COL24A1: variants seen among roughly 807,000 people sequenced by gnomAD.
The protein encoded by COL24A1 is collagen type XXIV alpha 1 chain.
In COL24A1, 224 loss-of-function variants were observed where a neutral mutation model predicts 253.9. The ratio of observed to expected loss-of-function variants is 0.88; its 90% CI spans 0.79 to 0.99. The LOEUF is 0.99. Ranked by LOEUF, COL24A1 falls within the 50% of genes least tolerant of loss-of-function variation. The pLI, the probability that COL24A1 is intolerant of heterozygous loss-of-function variation, is 0.00. For missense variants in COL24A1, 2,131 were observed against 2,068.5 expected (o/e 1.03, Z -0.59); for synonymous variants, 685 against 673.7 (o/e 1.02, Z -0.26).
chr1:85,909,268 T>G (rs969179519), intron 26 of COL24A1, among the ~76,000 whole-genome samples: 1 of 151,754 alleles, frequency 6.6e-6, no homozygotes, highest in African/African-American at 2.4e-5. Flanking sequence ...CTTATAGGAC[T>G]TTTCTGATAA....
At chr1:85,842,025 C>T (rs1676666079) in intron 41 of COL24A1, 43 bp downstream of exon 41, 1 of 1,535,442 alleles carries the variant, frequency 6.5e-7, no homozygotes. Context: ...TTCATGAACT[C>T]AATGTTTAAC....
chr1:85,831,724 G>A (rs115128119), intron 43 of COL24A1, among the ~76,000 whole-genome samples: 1,571 of 152,142 alleles, frequency 0.01, 23 homozygotes, highest in African/African-American at 0.036. Flanking sequence ...AGTGTTCCGG[G>A]CAGTAAAGTG....
chr1:86,145,892 T>TA (rs1376752712), intron 2 of COL24A1, among the ~76,000 whole-genome samples: 1 of 152,038 alleles, frequency 6.6e-6, no homozygotes, highest in Middle Eastern at 3.2e-3. Flanking sequence ...AGAGTTTGCT[T>TA]AAAAATGTAA....
At chr1:86,046,713 G>T in intron 12 of COL24A1, 112 bp downstream of exon 12, 2 of 1,230,714 alleles carry the variant, frequency 1.6e-6, no homozygotes, top group Non-Finnish European at 2.3e-6. Context: ...AAAATGGAAT[G>T]ATTATAAACA....
At chr1:85,863,198 A>G (rs1043704460) in intron 37 of COL24A1, among the ~76,000 whole-genome samples, 14 of 152,206 alleles carry the variant, frequency 9.2e-5, no homozygotes, top group African/African-American at 3.4e-4. Context: ...GTTGCTTATC[A>G]GCTTAAGGAG....
chr1:86,110,319 G>C (rs1451783510), intron 5 of COL24A1, among the ~76,000 whole-genome samples: 2 of 151,110 alleles, frequency 1.3e-5, no homozygotes, highest in Non-Finnish European at 3.0e-5. Flanking sequence ...TAACCAACCT[G>C]TGTACCTGTA....
At position 86,033,872 on chromosome 1, in the gene COL24A1, G is replaced by A. The variant is rs1327354271; in HGVS notation, c.2002C>T (p.Pro668Ser). 1.9e-6 allele frequency: 3 copies of A among 1,603,766 alleles called. No homozygotes were observed. In the East Asian group the frequency reaches 6.8e-5, roughly 36 times the overall value. ...DRGPAGLDGS[P>S]GLVGGTGPPG... ...CTGAACCAACATAATGTACTCACAG[G>A]ACTGCCATCAAGACCAGCAGGGCCT... Residue 668 changes from proline (P) to serine (S), a missense_variant and splice_region_variant, in exon 13 of 60, where the codon CCT (proline) becomes TCT (serine). Coordinates refer to ENST00000370571, the MANE Select transcript of COL24A1 (RefSeq NM_152890.7).
At chr1:85,921,632 G>A (rs1480099383) in intron 24 of COL24A1, among the ~76,000 whole-genome samples, 2 of 152,084 alleles carry the variant, frequency 1.3e-5, no homozygotes, top group South Asian at 2.1e-4. Flanking sequence ...CAACATCAAC[G>A]AAAAGGACAT....
intron 47 of COL24A1, among the ~76,000 whole-genome samples, chr1:85,792,084 A>G (rs1362352561): frequency 1.3e-5 from 2 of 152,276 alleles, no homozygotes; most frequent in East Asian, 3.9e-4. Flanking sequence ...CTCTTCTTAC[A>G]TAAGTTCACA....
intron 8 of COL24A1, among the ~76,000 whole-genome samples, chr1:86,059,680 T>C (rs1038503320): frequency 6.6e-6 from 1 of 152,178 alleles, no homozygotes; most frequent in African/African-American, 2.4e-5. Flanking sequence ...ACCGTTATCA[T>C]GACATGGGTC....
intron 35 of COL24A1, among the ~76,000 whole-genome samples, chr1:85,871,085 C>G (rs893101761): frequency 2.6e-5 from 4 of 152,162 alleles, no homozygotes; most frequent in African/African-American, 9.7e-5. Context: ...TGCATATAAA[C>G]TAGAAAATCT....
chr1:85,823,401 T>A (rs1673863083), intron 45 of COL24A1, 135 bp downstream of exon 45: 1 of 750,772 alleles, frequency 1.3e-6, no homozygotes. Flanking sequence ...ACACCCTACT[T>A]AGAGGCCCAT....
chr1:85,897,214 A>G (rs1036159637), intron 28 of COL24A1, among the ~76,000 whole-genome samples: 1 of 152,154 alleles, frequency 6.6e-6, no homozygotes, highest in African/African-American at 2.4e-5. Flanking sequence ...TAACACATGG[A>G]CACATGGTGA....
chr1:85,770,574 A>T (rs1667846347), intron 53 of COL24A1, among the ~76,000 whole-genome samples: 2 of 151,432 alleles, frequency 1.3e-5, no homozygotes, highest in Non-Finnish European at 2.9e-5. Context: ...AATTTGCTTA[A>T]AAAATTACTT....
intron 19 of COL24A1, among the ~76,000 whole-genome samples, chr1:85,995,920 A>G (rs12029153): frequency 0.4 from 61,444 of 152,078 alleles, 12,803 homozygotes; most frequent in East Asian, 0.58. Context: ...GGCCTCCCCA[A>G]CCATGCTTCC....
rs752449998 is a variant in COL24A1 at position 85,818,057 on chromosome 1, G to T, written c.3820C>A (p.Pro1274Thr). The change falls in exon 46 of 60, where the codon CCT becomes ACT. Residue 1274 changes from proline (P) to threonine (T), a missense_variant. Pro to Thr is a conservative substitution (Grantham distance 38, BLOSUM62 -1). Transcript: ENST00000370571. The stretch of plus-strand genomic sequence containing the variant: ...ACAGGAATCCCAGGTTTCCCAGAAG[G>T]ACCAGGAGCTCCTTTTTTCCCCTTA... ...GNKGKKGAPG[P>T]SGKPGIPGLQ... 1 of 1,613,596 alleles carries T rather than the reference G, an allele frequency of 6.2e-7. No individual in the cohort carries two copies. Among genetic ancestry groups the T allele is most frequent in the South Asian group, 1.1e-5 (1 of 91,042 alleles).
At chr1:86,059,548 G>A (rs1443435245) in intron 8 of COL24A1, among the ~76,000 whole-genome samples, 2 of 152,038 alleles carry the variant, frequency 1.3e-5, no homozygotes, top group Non-Finnish European at 2.9e-5. Context: ...TTAACAGTCT[G>A]AGCATGAGCC....
intron 47 of COL24A1, among the ~76,000 whole-genome samples, chr1:85,800,002 C>G (rs1043099057): frequency 1.3e-5 from 2 of 152,138 alleles, no homozygotes; most frequent in African/African-American, 4.8e-5. Flanking sequence ...GCTTTCTGTA[C>G]CAGTCGTACA....
At chr1:85,869,515 A>G (rs1680180595) in intron 35 of COL24A1, among the ~76,000 whole-genome samples, 2 of 152,226 alleles carry the variant, frequency 1.3e-5, no homozygotes, top group Non-Finnish European at 2.9e-5. Context: ...GAAACTCTAG[A>G]AGCCAGAAGA....
Sources: gnomAD v4.1 joint callset for allele counts (sites outside exome capture counted in the v4.1 genomes callset) on GRCh38, gnomAD v4.1.1 for gene constraint, MANE v1.5 for transcripts, NCBI Gene and HGNC (gene_info 2026-07-23, HGNC 2026-07-21) for gene names.